Variants in CTNNA2 observed in about 807,000 individuals in gnomAD.
CTNNA2 encodes catenin alpha 2, also known as catenin alpha-2.
CTNNA2 carries 42 observed loss-of-function variants against 101.0 expected under a neutral mutation model. The ratio of observed to expected loss-of-function variants is 0.42; its 90% confidence interval spans 0.32 to 0.54. The LOEUF is 0.54. CTNNA2 is among the 20% of genes least tolerant of loss of function. The pLI, the probability that CTNNA2 is intolerant of heterozygous loss-of-function variation, is 0.14. For missense variants in CTNNA2, 871 were observed against 1,223.1 expected (o/e 0.71, Z 4.29); for synonymous variants, 450 against 456.4 (o/e 0.99, Z 0.18).
chr2:80,275,197 C>A (rs1192895018), intron 7 of CTNNA2, among the ~76,000 whole-genome samples: 1 of 152,104 alleles, frequency 6.6e-6, no homozygotes, highest in Non-Finnish European at 1.5e-5. Context: ...GAACCCTGTT[C>A]CAAAACTAGA....
At chr2:79,539,118 A>T (rs1226029474) in intron 1 of CTNNA2, among the ~76,000 whole-genome samples, 1 of 152,236 alleles carries the variant, frequency 6.6e-6, no homozygotes, top group African/African-American at 2.4e-5. Flanking sequence ...TACAGCAGAC[A>T]GAGACCTGGG....
intron 2 of CTNNA2, among the ~76,000 whole-genome samples, chr2:79,691,192 C>A (rs2104700408): frequency 6.6e-6 from 1 of 151,944 alleles, no homozygotes; most frequent in East Asian, 1.9e-4. Context: ...AAAGTGTGGT[C>A]ATACAGTAAG....
chr2:79,540,483 C>T (rs549273890), intron 1 of CTNNA2, among the ~76,000 whole-genome samples: 68 of 152,274 alleles, frequency 4.5e-4, no homozygotes, highest in African/African-American at 1.6e-3. Flanking sequence ...ACTCCATCTC[C>T]GTTTGGACTA....
rs188747650 is a variant in CTNNA2, at chr2:79,356,504, T to G, written c.-317-17327T>G. Among the ~76,000 whole-genome samples, 21 of 152,322 alleles carry G rather than the reference T, an allele frequency of 1.4e-4. No individual in the cohort carries two copies. In the East Asian group the frequency reaches 3.9e-3, roughly 28 times the overall value. Reference sequence around the variant, plus strand: ...CTTAACATGAGGTAAGAGGCTGAGATGCCAAGAAAACAGTGAAAAGTTAAG... The same window carrying G: ...CTTAACATGAGGTAAGAGGCTGAGAGGCCAAGAAAACAGTGAAAAGTTAAG... On this transcript the variant is annotated intron_variant, in intron 3 of 21. Transcript: ENST00000466387.
chr2:79,527,958 A>G (rs893428391), intron 1 of CTNNA2, among the ~76,000 whole-genome samples: 4 of 152,228 alleles, frequency 2.6e-5, no homozygotes, highest in Admixed American at 2.0e-4. Context: ...AGGCATATTT[A>G]TACAATGGGA....
intron 7 of CTNNA2, among the ~76,000 whole-genome samples, chr2:80,001,617 T>G (rs901402236): frequency 3.9e-5 from 6 of 152,098 alleles, no homozygotes; most frequent in African/African-American, 1.4e-4. Context: ...ATGTGTATGT[T>G]TAACCAAGGA....
intron 7 of CTNNA2, among the ~76,000 whole-genome samples, chr2:80,227,533 A>G (rs900153920): frequency 6.6e-6 from 1 of 152,176 alleles, no homozygotes; most frequent in Non-Finnish European, 1.5e-5. Flanking sequence ...CCTTCTCCAT[A>G]GAAGCACAGA....
At chr2:80,564,053 A>G (rs1693839164) in intron 12 of CTNNA2, among the ~76,000 whole-genome samples, 1 of 152,240 alleles carries the variant, frequency 6.6e-6, no homozygotes, top group African/African-American at 2.4e-5. Context: ...TGTCATTAAT[A>G]TAAATGAGTA....
chr2:79,360,460 A>C (rs965076612), intron 3 of CTNNA2, among the ~76,000 whole-genome samples: 2 of 152,184 alleles, frequency 1.3e-5, no homozygotes, highest in African/African-American at 4.8e-5. Context: ...TAATAGGGGA[A>C]ACAAAGAAAT....
At chr2:79,980,044 C>A (rs1331208029) in intron 7 of CTNNA2, among the ~76,000 whole-genome samples, 7 of 152,148 alleles carry the variant, frequency 4.6e-5, no homozygotes, top group Non-Finnish European at 7.4e-5. Flanking sequence ...ATGCCTTATT[C>A]AAACTTAATG....
intron 2 of CTNNA2, among the ~76,000 whole-genome samples, chr2:79,260,305 G>C (rs1674903726): frequency 6.6e-6 from 1 of 152,128 alleles, no homozygotes; most frequent in Non-Finnish European, 1.5e-5. Context: ...GCAAATCTGT[G>C]AGTCTTCTGG....
At chr2:80,397,575 T>C (rs1678131869) in intron 8 of CTNNA2, among the ~76,000 whole-genome samples, 1 of 152,158 alleles carries the variant, frequency 6.6e-6, no homozygotes, top group Non-Finnish European at 1.5e-5. Flanking sequence ...GGAATTCCCC[T>C]GCACACGCTC....
At chr2:79,625,287 T>C (rs1375658646) in intron 1 of CTNNA2, among the ~76,000 whole-genome samples, 1 of 152,088 alleles carries the variant, frequency 6.6e-6, no homozygotes, top group Admixed American at 6.6e-5. Flanking sequence ...GAATTAATGG[T>C]GATATGATAA....
chr2:79,243,721 T>C (rs1172602822), intron 2 of CTNNA2, among the ~76,000 whole-genome samples: 1 of 152,136 alleles, frequency 6.6e-6, no homozygotes, highest in Admixed American at 6.5e-5. Flanking sequence ...TCAGGAAAAG[T>C]CTTCCTATGG....
At chr2:79,564,994 G>T (rs1675017145) in intron 1 of CTNNA2, among the ~76,000 whole-genome samples, 1 of 152,098 alleles carries the variant, frequency 6.6e-6, no homozygotes, top group South Asian at 2.1e-4. Context: ...GTATGGACTT[G>T]CAGTAATCAT....
At chr2:79,389,229 G>T (rs1678139951) in intron 4 of CTNNA2, among the ~76,000 whole-genome samples, 1 of 152,190 alleles carries the variant, frequency 6.6e-6, no homozygotes, top group Non-Finnish European at 1.5e-5. Flanking sequence ...TTGCTATAAA[G>T]GTTTCCAATT....
intron 4 of CTNNA2, among the ~76,000 whole-genome samples, chr2:79,454,556 G>C (rs999940083): frequency 6.6e-6 from 1 of 152,100 alleles, no homozygotes; most frequent in Non-Finnish European, 1.5e-5. Flanking sequence ...CCCTGCTCTG[G>C]AATCCTACTC....
intron 4 of CTNNA2, among the ~76,000 whole-genome samples, chr2:79,502,165 G>T (rs1385567737): frequency 3.9e-5 from 6 of 152,012 alleles, no homozygotes; most frequent in African/African-American, 1.4e-4. Context: ...AATACAAAAA[G>T]TTATTGTAAG....
chr2:79,846,455 A>G (rs1680237215), intron 3 of CTNNA2, among the ~76,000 whole-genome samples: 1 of 152,222 alleles, frequency 6.6e-6, no homozygotes, highest in Non-Finnish European at 1.5e-5. Context: ...TTATTCAAGT[A>G]TTATTCAGTT....
Sources: gnomAD v4.1 joint callset for allele counts (sites outside exome capture counted in the v4.1 genomes callset) on GRCh38, gnomAD v4.1.1 for gene constraint, MANE v1.5 for transcripts, NCBI Gene and HGNC (gene_info 2026-07-23, HGNC 2026-07-21) for gene names.